The following NPHS1 variants were observed in gnomAD, a reference collection of about 807,000 sequenced individuals.
The protein encoded by NPHS1 is nephrin.
Under a neutral mutation model 139.7 loss-of-function variants are expected in NPHS1, and 107 were observed. The observed-to-expected ratio is 0.77, with a 90% CI of 0.66 to 0.90. The LOEUF is 0.90. NPHS1 is among the 40% of genes least tolerant of loss of function. NPHS1 has a pLI of 0.00. For missense variants in NPHS1, 1,580 were observed against 1,654.2 expected, an observed-to-expected ratio of 0.96 and a Z score of 0.78; for synonymous variants, 707 against 706.6, an observed-to-expected ratio of 1.00 and a Z score of -0.01.
At chr19:35,844,721 A>C (rs1332296461) in intron 14 of NPHS1, among the ~76,000 whole-genome samples, 2 of 152,170 alleles carry the variant, frequency 1.3e-5, no homozygotes, top group African/African-American at 4.8e-5. Context: ...GAGAGGACAA[A>C]TGCAAGATGG....
In NPHS1 at chr19:35,841,794, G is replaced by A. The variant is rs772562270; in HGVS notation, c.2736C>T (p.Ala912=). 2.5e-6 allele frequency: 4 copies of A among 1,614,130 alleles called. No homozygotes were observed. Among genetic ancestry groups the A allele is most frequent in the Non-Finnish European group, 2.5e-6 (3 of 1,180,020 alleles). ...SLLTIANVSA[A]QDYALFTCTA... ...TACATGTGAAGAGGGCGTAATCCTG[G>A]GCGGCAGACACGTTGGCAATGGTCA... is the stretch of plus-strand genomic sequence containing the variant. The change falls in exon 20 of 29, where the codon GCC becomes GCT. Residue 912 remains alanine (A), a synonymous_variant. Coordinates refer to ENST00000378910, the MANE Select transcript of NPHS1 (RefSeq NM_004646.4).
Position 35,846,078 on chromosome 19 carries a change from C to A in NPHS1, c.1557G>T (p.Pro519=). The change falls in exon 12 of 29, where the codon CCG becomes CCT. Residue 519 remains proline (P), a synonymous_variant. Coordinates refer to ENST00000378910, the MANE Select transcript of NPHS1 (RefSeq NM_004646.4). ...FSRELVLVTG[P]SDNQAKFTCK... is the part of the protein sequence containing the mutation. ...ACGTGAACTTGGCCTGGTTGTCCGA[C>A]GGCCCTGTGACCAGCACCAGCTCTC... is the stretch of plus-strand genomic sequence containing the variant. The A allele has an allele frequency of 3.8e-6, 6 of 1,596,040 alleles. No homozygotes were observed. The highest frequency in any genetic ancestry group is 5.1e-6 in the Non-Finnish European group (6 of 1,171,676).
intron 28 of NPHS1, among the ~76,000 whole-genome samples, chr19:35,830,146 T>C (rs1287607189): frequency 6.6e-6 from 1 of 152,212 alleles, no homozygotes; most frequent in African/African-American, 2.4e-5. Flanking sequence ...GTAGCAGAAT[T>C]GCAGCAAGGC....
intron 6 of NPHS1, 34 bp downstream of exon 6, chr19:35,849,516 C>G: frequency 6.2e-7 from 1 of 1,602,066 alleles, no homozygotes; most frequent in Non-Finnish European, 8.6e-7. Flanking sequence ...GCTCCCCATC[C>G]TCAGCGCCCT....
At position 35,847,077 on chromosome 19, in the gene NPHS1, CCTCT is replaced by C. The variant is rs565768370; in HGVS notation, c.1441-887_1441-884del. 5.1e-3 allele frequency among the ~76,000 whole-genome samples: 777 copies of C among 151,876 alleles called. 8 individuals carry two copies. Among genetic ancestry groups the C allele is most frequent in the African/African-American group, 0.018 (750 of 41,398 alleles). ...TTCTTTTTTTTTGAGACGGAGTCTC[CCTCT>C]GTCACCCAGGCTGGAGTGCAGTGGC... On this transcript the variant is annotated intron_variant, in intron 11 of 28. Transcript: ENST00000378910.
chr19:35,842,652 C>T, intron 17 of NPHS1, 102 bp from the exon 18 acceptor site: 2 of 1,203,960 alleles, frequency 1.7e-6, no homozygotes, highest in South Asian at 1.2e-5. Context: ...CCACAATCAC[C>T]CTCCACAGAG....
chr19:35,847,436 C>G (rs1407257583), intron 11 of NPHS1, among the ~76,000 whole-genome samples: 1 of 140,212 alleles, frequency 7.1e-6, no homozygotes, highest in Non-Finnish European at 1.5e-5. Flanking sequence ...CTCACCACAA[C>G]CTGGGCCTCC....
At chr19:35,836,259 ATT>A (rs577656249) in intron 22 of NPHS1, among the ~76,000 whole-genome samples, 7 of 135,398 alleles carry the variant, frequency 5.2e-5, no homozygotes, top group Admixed American at 7.5e-5. Flanking sequence ...GCGCCTGGCC[ATT>A]TTTTTTTTTT....
chr19:35,847,235 C>T (rs777086338), intron 11 of NPHS1, among the ~76,000 whole-genome samples: 26 of 151,354 alleles, frequency 1.7e-4, no homozygotes, highest in Non-Finnish European at 3.1e-4. Context: ...TTAGTAGAGA[C>T]GGAGTTTCAC....
chr19:35,845,359 G>A lies in NPHS1; in HGVS notation c.1930+9C>T, dbSNP rs765175429. 2.5e-6 allele frequency: 4 copies of A among 1,614,196 alleles called. No individual in the cohort carries two copies. The highest frequency in any genetic ancestry group is 3.4e-6 in the Non-Finnish European group (4 of 1,180,026). The stretch of plus-strand genomic sequence containing the variant: ...GCATCGAGAGGGGCTTTCAGGCCGG[G>A]GCACATACACAGTACGTTGAGGCGA... On this transcript the variant is annotated intron_variant, in intron 14 of 28. Transcript: ENST00000378910. This position sits in a 1 kb window ranked among gnomAD's most constrained non-coding sequence, Gnocchi z 5.5.
Position 35,848,798 on chromosome 19 carries a change from C to T in NPHS1, c.1013-4G>A. ...ATAATAATGGCACTAGGGGGAACTG[C>T]AGGGACAGAGAAGGAAGACACTAAG... On this transcript the variant is annotated splice_region_variant and splice_polypyrimidine_tract_variant and intron_variant, in intron 8 of 28. Coordinates refer to ENST00000378910, the MANE Select transcript of NPHS1 (RefSeq NM_004646.4). 6.2e-7 allele frequency: 1 copy of T among 1,614,180 alleles called. No individual in the cohort carries two copies. The highest frequency in any genetic ancestry group is 8.5e-7 in the Non-Finnish European group (1 of 1,180,038).
chr19:35,835,199 C>T (rs1187181900), intron 23 of NPHS1, among the ~76,000 whole-genome samples: 2 of 71,210 alleles, frequency 2.8e-5, no homozygotes, highest in African/African-American at 1.1e-4. Context: ...GACTCTGTCT[C>T]AAAAAAAAAA....
chr19:35,851,214 A>C (rs765966676), intron 3 of NPHS1, 48 bp downstream of exon 3: 11 of 1,613,136 alleles, frequency 6.8e-6, no homozygotes, highest in South Asian at 1.1e-5. Context: ...GGGGTAGGGG[A>C]GGGCTTGAAG....
rs765277365 is a variant in NPHS1 at position 35,827,694 on chromosome 19, G to A, written c.3595-1049C>T. Among the ~76,000 whole-genome samples, 9 of 152,292 alleles carry A rather than the reference G, an allele frequency of 5.9e-5. No homozygotes were observed. In the East Asian group the frequency reaches 1.5e-3, roughly 26 times the overall value. Reference sequence around the variant, plus strand: ...AGCATTTTGGGAGGCCAAGGCAGGTGGATCACTTGAGATCAGGATTCGAGA... The same window carrying A: ...AGCATTTTGGGAGGCCAAGGCAGGTAGATCACTTGAGATCAGGATTCGAGA... On this transcript the variant is annotated intron_variant, in intron 28 of 28. Transcript: ENST00000378910.
intron 20 of NPHS1, among the ~76,000 whole-genome samples, chr19:35,840,650 C>CGTCT (rs1289434772): frequency 2.7e-5 from 4 of 149,432 alleles, no homozygotes; most frequent in Non-Finnish European, 5.9e-5. Context: ...TTTCTTTAAA[C>CGTCT]GTCTCATCAT....
intron 23 of NPHS1, among the ~76,000 whole-genome samples, chr19:35,835,323 A>G (rs1418863469): frequency 2.8e-4 from 27 of 95,292 alleles, no homozygotes; most frequent in Admixed American, 4.4e-4. Flanking sequence ...TTTTTGAGAT[A>G]GGGTCTCCCT....
At position 35,851,655 on chromosome 19, in the gene NPHS1, T is replaced by C; in HGVS notation, c.76A>G (p.Ile26Val). The C allele has an allele frequency of 6.2e-7, 1 of 1,613,296 alleles. No homozygotes were observed. The highest frequency in any genetic ancestry group is 8.5e-7 in the Non-Finnish European group (1 of 1,179,716). ...AAGCCCCGGGGAACGGAGGCAGGAA[T>C]CGCCAACTGCGCCAGGCCTGAGGAC... The part of the protein sequence containing the change: ...LLTEGLAQLA[I>V]PASVPRGFWA... The change falls in exon 2 of 29, where the codon ATT becomes GTT. Residue 26 changes from isoleucine (I) to valine (V), a missense_variant. By Grantham distance (29) the Ile-to-Val change is conservative. Transcript: ENST00000378910.
intron 28 of NPHS1, among the ~76,000 whole-genome samples, chr19:35,827,325 T>A (rs761056408): frequency 1.3e-5 from 2 of 151,878 alleles, no homozygotes; most frequent in South Asian, 4.2e-4. Context: ...TAGCTAGGTG[T>A]GGTGGTGAGC....
intron 16 of NPHS1, 113 bp from the exon 17 acceptor site, chr19:35,843,706 A>G (rs1407503692): frequency 1.5e-6 from 2 of 1,372,990 alleles, no homozygotes; most frequent in South Asian, 2.5e-5. Context: ...ATGGGTGTGG[A>G]CACAATCTGC....
Sources: gnomAD v4.1 joint callset for allele counts (sites outside exome capture counted in the v4.1 genomes callset) on GRCh38, gnomAD v4.1.1 for gene constraint, Gnocchi (gnomAD v3.1) non-coding constraint, MANE v1.5 for transcripts, NCBI Gene and HGNC (gene_info 2026-07-23, HGNC 2026-07-21) for gene names.